DERA: variants seen among roughly 807,000 people sequenced by gnomAD.
DERA encodes the protein 2-deoxy-D-ribose 5-phosphate aldolase.
In DERA, 15 loss-of-function variants were observed where a neutral mutation model predicts 41.1. That is an observed-to-expected ratio of 0.37 (90% CI 0.24 to 0.56). The LOEUF (loss-of-function observed/expected upper bound fraction) is 0.56. DERA is among the 20% of genes least tolerant of loss of function. DERA has a pLI of 0.81. For synonymous variants in DERA, 139 were observed against 137.4 expected, an observed-to-expected ratio of 1.01 and a Z score of -0.08; for missense variants, 396 against 403.4, an observed-to-expected ratio of 0.98 and a Z score of 0.16.
chr12:15,958,251 T>C lies in DERA; in HGVS notation c.193T>C (p.Ser65Pro), dbSNP rs758447801. 6.3e-7 allele frequency: 1 copy of C among 1,595,616 alleles called. No homozygotes were observed. Among genetic ancestry groups the C allele is most frequent in the South Asian group, 1.1e-5 (1 of 87,884 alleles). The change falls in exon 3 of 9, where the codon TCT (serine) becomes CCT (proline). Residue 65 changes from serine to proline, a missense_variant. Physicochemically the swap from Ser to Pro is moderately conservative, Grantham distance 74 (BLOSUM62 -1). Transcript: ENST00000428559. ...TACTACACTTTCAGGTGATGATACA[T>C]CTTCCAACATTCAAAGGCTCTGTTA... is the stretch of plus-strand genomic sequence containing the variant. ...DLTTLSGDDT[S>P]SNIQRLCYKA...
chr12:15,978,275 T>C (rs1948711907), intron 5 of DERA, among the ~76,000 whole-genome samples: 1 of 152,152 alleles, frequency 6.6e-6, no homozygotes, highest in South Asian at 2.1e-4. Flanking sequence ...ATGGCTTGTG[T>C]TGGAGTGAAG....
intron 1 of DERA, among the ~76,000 whole-genome samples, chr12:15,937,652 A>T (rs1189287875): frequency 6.6e-6 from 1 of 152,114 alleles, no homozygotes; most frequent in East Asian, 1.9e-4. Flanking sequence ...GTTAAATTAC[A>T]TGTTTTTCTT....
At position 15,994,732 on chromosome 12, in the gene DERA, C is replaced by T. The variant is rs1390039717; in HGVS notation, c.637+12296C>T. Among the ~76,000 whole-genome samples the T allele has an allele frequency of 2.6e-5, 4 of 152,274 alleles. No homozygotes were observed. Among genetic ancestry groups the T allele is most frequent in the South Asian group, 4.1e-4 (2 of 4,826 alleles). On this transcript the variant is annotated intron_variant, in intron 6 of 8. Coordinates refer to ENST00000428559, the MANE Select transcript of DERA (RefSeq NM_015954.4). This position sits in a 1 kb window ranked among gnomAD's most constrained non-coding sequence, Gnocchi z 4.8. ...CCTCCCAAAGTGCTGGGATTACAGG[C>T]GTGAGCCACCGCGCCTGGCCAGAAA... is the stretch of plus-strand genomic sequence containing the variant.
intron 6 of DERA, among the ~76,000 whole-genome samples, chr12:15,997,767 T>C (rs1464552460): frequency 6.6e-6 from 1 of 152,222 alleles, no homozygotes; most frequent in Non-Finnish European, 1.5e-5. Flanking sequence ...ACTTTTCAAA[T>C]TGAACTTTTG....
intron 6 of DERA, among the ~76,000 whole-genome samples, chr12:15,991,868 C>G (rs1443496537): frequency 6.6e-6 from 1 of 152,086 alleles, no homozygotes; most frequent in Non-Finnish European, 1.5e-5. Context: ...CTTTGTTTTA[C>G]CAGTTCCTCT....
At chr12:15,953,133 C>T (rs1277536771) in intron 1 of DERA, among the ~76,000 whole-genome samples, 1 of 152,090 alleles carries the variant, frequency 6.6e-6, no homozygotes, top group Non-Finnish European at 1.5e-5. Context: ...CAATGCTTTA[C>T]GGTGAATCAG....
rs563127293 is a variant in DERA, at chr12:15,966,821, G to A, written c.508+3874G>A. ...CCAGTGTGACTTTTCCACAACCTTG[G>A]TGTGCTTTCCTTTGGAAACGTCATG... On this transcript the variant is annotated intron_variant, in intron 5 of 8. Transcript: ENST00000428559. The surrounding 1 kb of genome is among the most constrained non-coding windows in gnomAD (Gnocchi z 5.1). Among the ~76,000 whole-genome samples the A allele has an allele frequency of 6.6e-6, 1 of 152,072 alleles. No individual in the cohort carries two copies. Among genetic ancestry groups the A allele is most frequent in the South Asian group, 2.1e-4 (1 of 4,806 alleles).
intron 1 of DERA, among the ~76,000 whole-genome samples, chr12:15,930,637 A>T (rs1320498408): frequency 6.6e-6 from 1 of 152,176 alleles, no homozygotes; most frequent in African/African-American, 2.4e-5. Context: ...TAAATATATA[A>T]GTTTTAATAG....
In DERA at chr12:16,036,916, TG is replaced by T; in HGVS notation, c.*172del. ...TGGAAAAAGCAAACTCATCCACATG[TG>T]GTACTCATTTCAGGCACATCTGAAA... On this transcript the variant is annotated 3_prime_UTR_variant, in exon 9 of 9. Coordinates refer to ENST00000428559, the MANE Select transcript of DERA (RefSeq NM_015954.4). The surrounding 1 kb of genome is among the most constrained non-coding windows in gnomAD (Gnocchi z 4.9). 1.7e-6 allele frequency: 1 copy of T among 592,242 alleles called. No individual in the cohort carries two copies. The highest frequency in any genetic ancestry group is 3.0e-6 in the Non-Finnish European group (1 of 335,854). 36.7% of individuals were successfully genotyped at this position (592,242 alleles called of 1,614,324 possible).
chr12:16,010,019 G>T lies in DERA; in HGVS notation c.638-22523G>T, dbSNP rs570132618. ...TCTGTGAGAGACAGATAAAACCTCT[G>T]TATTAAGTGTGCAGTATAACCTATT... On this transcript the variant is annotated intron_variant, in intron 6 of 8. Transcript: ENST00000428559. This position sits in a 1 kb window ranked among gnomAD's most constrained non-coding sequence, Gnocchi z 5.5. Among the ~76,000 whole-genome samples the T allele has an allele frequency of 2.4e-4, 36 of 152,310 alleles. No homozygotes were observed. The highest frequency in any genetic ancestry group is 8.7e-4 in the African/African-American group (36 of 41,564).
intron 1 of DERA, among the ~76,000 whole-genome samples, chr12:15,947,216 A>G (rs1236272040): frequency 6.6e-6 from 1 of 152,182 alleles, no homozygotes; most frequent in African/African-American, 2.4e-5. Context: ...GTAGATGTCT[A>G]TTAGGTCTGC....
intron 6 of DERA, among the ~76,000 whole-genome samples, chr12:16,015,864 G>A (rs532432508): frequency 6.6e-6 from 1 of 152,158 alleles, no homozygotes; most frequent in African/African-American, 2.4e-5. Context: ...ACTTTTCCTT[G>A]TAGTTACTTT....
chr12:15,916,886 A>G (rs1948204278), intron 1 of DERA, among the ~76,000 whole-genome samples: 1 of 152,196 alleles, frequency 6.6e-6, no homozygotes, highest in African/African-American at 2.4e-5. Context: ...GGCTGGGACT[A>G]TAGGCTGTAG....
chr12:15,923,816 T>A (rs1948263519), intron 1 of DERA, among the ~76,000 whole-genome samples: 1 of 152,184 alleles, frequency 6.6e-6, no homozygotes, highest in South Asian at 2.1e-4. Flanking sequence ...CATAGCTGGT[T>A]TCTTTACCTC....
rs147713949 is a variant in DERA at position 15,968,181 on chromosome 12, C to T, written c.508+5234C>T. Among the ~76,000 whole-genome samples the T allele has an allele frequency of 3.6e-4, 54 of 151,410 alleles. No individual in the cohort carries two copies. The East Asian group carries it at 8.5e-3, about 24-fold the overall frequency. On this transcript the variant is annotated intron_variant, in intron 5 of 8. Transcript: ENST00000428559. ...TGTTGAATTTACATACAACAATGTA[C>T]GTAAATTCATACATTGAATACATTT...
rs34468299 is a variant in DERA at position 15,996,157 on chromosome 12, ATG to A, written c.637+13755_637+13756del. Among the ~76,000 whole-genome samples, 41,209 of 144,622 alleles carry A rather than the reference ATG, an allele frequency of 0.28. 5,794 individuals are homozygous for A. The highest frequency in any genetic ancestry group is 0.47 in the East Asian group (2,265 of 4,774). The allele number at this position is 144,622 out of a possible 152,430, so 94.9% of individuals were successfully genotyped here. A position where few individuals can be genotyped will look rare whatever the true frequency, so the allele number is the denominator to read the frequency against. ...GCAGACACAGACACACACACAGAGC[ATG>A]TGTGTGTGTGTGTGTGTGTGTGTGT... On this transcript the variant is annotated intron_variant, in intron 6 of 8. Transcript: ENST00000428559. The surrounding 1 kb of genome is among the most constrained non-coding windows in gnomAD (Gnocchi z 4.7).
intron 1 of DERA, among the ~76,000 whole-genome samples, chr12:15,923,835 C>T (rs1948263621): frequency 6.6e-6 from 1 of 151,896 alleles, no homozygotes; most frequent in African/African-American, 2.4e-5. Context: ...TCTGGGCTTT[C>T]TCATCTGCCC....
At position 15,916,646 on chromosome 12, in the gene DERA, T is replaced by C. The variant is rs1429686661; in HGVS notation, c.31+5232T>C. Among the ~76,000 whole-genome samples, 92 of 152,170 alleles carry C rather than the reference T, an allele frequency of 6.0e-4. 1 individual carries two copies. Among genetic ancestry groups the C allele is most frequent in the Non-Finnish European group, 1.2e-4 (8 of 67,994 alleles). ...TTGTATTTTTAGTAGAGATGGGGTT[T>C]CACAGTGTTGGCCAGGCTGGTCTTG... On this transcript the variant is annotated intron_variant, in intron 1 of 8. Transcript: ENST00000428559.
chr12:15,981,152 T>G lies in DERA; in HGVS notation c.509-1156T>G. ...TTACCAGATCAGGAGATCGAGACCA[T>G]CCTGGTTAACACGGTGAAACCCCGT... On this transcript the variant is annotated intron_variant, in intron 5 of 8. Coordinates refer to ENST00000428559, the MANE Select transcript of DERA (RefSeq NM_015954.4). The surrounding 1 kb of genome is among the most constrained non-coding windows in gnomAD (Gnocchi z 6.1). 6.6e-6 allele frequency among the ~76,000 whole-genome samples: 1 copy of G among 152,026 alleles called. No individual in the cohort carries two copies. The highest frequency in any genetic ancestry group is 1.9e-4 in the East Asian group (1 of 5,168).
Sources: allele counts gnomAD v4.1 joint callset (sites outside exome capture counted in the v4.1 genomes callset), GRCh38; gene constraint gnomAD v4.1.1; non-coding constraint Gnocchi (gnomAD v3.1); transcripts MANE v1.5; gene names NCBI Gene and HGNC (gene_info 2026-07-23, HGNC 2026-07-21).